Variants in TMPRSS12 observed in about 807,000 individuals in gnomAD.
TMPRSS12 encodes transmembrane serine protease 12, also known as transmembrane protease serine 12.
A neutral mutation model predicts 26.0 loss-of-function variants in TMPRSS12; 25 were observed. That is an observed-to-expected ratio of 0.96 (90% CI 0.70 to 1.34). TMPRSS12 has a LOEUF of 1.34. Ranked by LOEUF, TMPRSS12 falls within the 40% of genes most tolerant of loss-of-function variation. The pLI is 0.00. For synonymous variants in TMPRSS12, 150 were observed against 161.7 expected, an observed-to-expected ratio of 0.93 and a Z score of 0.55; for missense variants, 441 against 440.1, an observed-to-expected ratio of 1.00 and a Z score of -0.02.
intron 3 of TMPRSS12, among the ~76,000 whole-genome samples, chr12:50,878,515 C>G (rs997610912): frequency 6.6e-6 from 1 of 152,108 alleles, no homozygotes. Context: ...GAGTTTGAGG[C>G]TTCAGTGAGC....
rs117582562 is a variant in TMPRSS12, at chr12:50,849,147, C to T, written c.383+5110C>T. ...AAGGGCTGGGATTACAGGCATGAGA[C>T]ACTGCATACAGCCACCAATGGATAT... On this transcript the variant is annotated intron_variant, in intron 2 of 4. Coordinates refer to ENST00000398458, the MANE Select transcript of TMPRSS12 (RefSeq NM_182559.3). 6.1e-3 allele frequency among the ~76,000 whole-genome samples: 924 copies of T among 152,266 alleles called. 6 individuals carry two copies. Among genetic ancestry groups the T allele is most frequent in the Non-Finnish European group, 9.8e-3 (669 of 68,016 alleles).
intron 3 of TMPRSS12, among the ~76,000 whole-genome samples, chr12:50,876,623 C>A (rs553600638): frequency 1.3e-5 from 2 of 151,770 alleles, no homozygotes; most frequent in East Asian, 3.9e-4. Flanking sequence ...GCTAACACGG[C>A]GAAACCCCGT....
At chr12:50,867,298 C>A (rs183238230) in intron 3 of TMPRSS12, among the ~76,000 whole-genome samples, 1 of 152,176 alleles carries the variant, frequency 6.6e-6, no homozygotes, top group African/African-American at 2.4e-5. Context: ...AACAAAACTT[C>A]AGGAAACATT....
Position 50,878,182 on chromosome 12 carries a change from A to G in TMPRSS12, c.653-7064A>G, listed in dbSNP as rs984679296. On this transcript the variant is annotated intron_variant, in intron 3 of 4. Coordinates refer to ENST00000398458, the MANE Select transcript of TMPRSS12 (RefSeq NM_182559.3). ...TATGGAAAGGCAAGGGATCTAGAAT[A>G]GCCAAAATTATTTTGGGGAAAAAAA... Among the ~76,000 whole-genome samples the G allele has an allele frequency of 2.1e-5, 3 of 145,410 alleles. No homozygotes were observed. In the South Asian group the frequency reaches 6.8e-4, roughly 33 times the overall value.
At chr12:50,860,691 C>T (rs1053446534) in intron 3 of TMPRSS12, among the ~76,000 whole-genome samples, 1 of 152,094 alleles carries the variant, frequency 6.6e-6, no homozygotes, top group East Asian at 1.9e-4. Context: ...CTCACTGTAA[C>T]CTTTACCTCC....
intron 3 of TMPRSS12, among the ~76,000 whole-genome samples, chr12:50,869,724 G>C (rs577768901): frequency 1.3e-5 from 2 of 152,250 alleles, no homozygotes; most frequent in South Asian, 4.2e-4. Context: ...CACTATTCCT[G>C]ATGAACATAG....
At chr12:50,872,622 T>C (rs1179614248) in intron 3 of TMPRSS12, among the ~76,000 whole-genome samples, 1 of 119,844 alleles carries the variant, frequency 8.3e-6, no homozygotes, top group East Asian at 2.5e-4. Flanking sequence ...ATGACGTATA[T>C]ATGTACATAT....
At chr12:50,860,108 A>G (rs1314130762) in intron 3 of TMPRSS12, among the ~76,000 whole-genome samples, 1 of 152,222 alleles carries the variant, frequency 6.6e-6, no homozygotes, top group South Asian at 2.1e-4. Context: ...GATAGTTCCA[A>G]GTGTTTCTGT....
At position 50,849,890 on chromosome 12, in the gene TMPRSS12, T is replaced by C. The variant is rs1016053381; in HGVS notation, c.383+5853T>C. On this transcript the variant is annotated intron_variant, in intron 2 of 4. Transcript: ENST00000398458. ...TTCTTCACCTCCAAAAATTCCCCCA[T>C]ACCCCTTTCAGGTAAACCCCCTCCC... Among the ~76,000 whole-genome samples, 24 of 148,360 alleles carry C rather than the reference T, an allele frequency of 1.6e-4. 1 individual carries two copies. Among genetic ancestry groups the C allele is most frequent in the African/African-American group, 2.5e-5 (1 of 40,418 alleles).
At chr12:50,880,676 C>T (rs1938154701) in intron 3 of TMPRSS12, among the ~76,000 whole-genome samples, 1 of 152,032 alleles carries the variant, frequency 6.6e-6, no homozygotes, top group African/African-American at 2.4e-5. Flanking sequence ...AACATGTCCA[C>T]ACAAAAACTT....
chr12:50,883,261 G>A (rs530918671), intron 3 of TMPRSS12, among the ~76,000 whole-genome samples: 10 of 152,136 alleles, frequency 6.6e-5, no homozygotes, highest in Admixed American at 2.0e-4. Flanking sequence ...AGCCCAGGAG[G>A]TTGAGGCTGT....
chr12:50,867,457 C>A (rs1196372922), intron 3 of TMPRSS12, among the ~76,000 whole-genome samples: 1 of 152,120 alleles, frequency 6.6e-6, no homozygotes, highest in African/African-American at 2.4e-5. Context: ...TGAACAAAGC[C>A]TCCAAGAAGT....
intron 3 of TMPRSS12, among the ~76,000 whole-genome samples, chr12:50,860,410 T>C (rs940965036): frequency 1.3e-5 from 2 of 152,098 alleles, no homozygotes; most frequent in Non-Finnish European, 2.9e-5. Flanking sequence ...GTTCTTGTTG[T>C]TATTTAAAAC....
intron 1 of TMPRSS12, 49 bp downstream of exon 1, chr12:50,843,200 C>T: frequency 3.4e-6 from 5 of 1,486,962 alleles, no homozygotes; most frequent in Non-Finnish European, 4.5e-6. Context: ...TACCTTTTCC[C>T]CACCGCTATA....
intron 3 of TMPRSS12, among the ~76,000 whole-genome samples, chr12:50,872,285 G>A (rs1224326967): frequency 4.6e-5 from 7 of 150,730 alleles, no homozygotes; most frequent in Non-Finnish European, 5.9e-5. Flanking sequence ...AGGCCGAGGC[G>A]GGTGGATCAT....
At chr12:50,874,803 G>A (rs982444967) in intron 3 of TMPRSS12, among the ~76,000 whole-genome samples, 1 of 151,720 alleles carries the variant, frequency 6.6e-6, no homozygotes, top group Non-Finnish European at 1.5e-5. Flanking sequence ...AGAATGCGAT[G>A]TCATTTAAAA....
chr12:50,884,736 G>A (rs1256763285), intron 3 of TMPRSS12, among the ~76,000 whole-genome samples: 2 of 152,082 alleles, frequency 1.3e-5, no homozygotes, highest in Non-Finnish European at 2.9e-5. Context: ...GCTGGGCATG[G>A]TGGTGAGTGC....
At chr12:50,853,884 A>C (rs1163659980) in intron 2 of TMPRSS12, among the ~76,000 whole-genome samples, 1 of 152,132 alleles carries the variant, frequency 6.6e-6, no homozygotes, top group Non-Finnish European at 1.5e-5. Flanking sequence ...TTCACAGTCA[A>C]ATTCTACCAG....
intron 2 of TMPRSS12, among the ~76,000 whole-genome samples, chr12:50,857,621 A>G (rs554719851): frequency 6.6e-6 from 1 of 152,044 alleles, no homozygotes; most frequent in South Asian, 2.1e-4. Context: ...TTAATTGTTG[A>G]TTGTTTCAAT....
Sources: gnomAD v4.1 joint callset for allele counts (sites outside exome capture counted in the v4.1 genomes callset) on GRCh38, gnomAD v4.1.1 for gene constraint, MANE v1.5 for transcripts, NCBI Gene and HGNC (gene_info 2026-07-23, HGNC 2026-07-21) for gene names.